Variants in GLYR1 observed in about 807,000 individuals in gnomAD.
The protein encoded by GLYR1 is cytokine-like nuclear factor N-PAC.
In GLYR1, 21 loss-of-function variants were observed where a neutral mutation model predicts 72.7. The observed-to-expected ratio is 0.29, with a 90% CI of 0.20 to 0.42. The LOEUF (loss-of-function observed/expected upper bound fraction) is 0.42. Ranked by LOEUF, GLYR1 falls within the 10% of genes least tolerant of loss-of-function variation. The pLI is 1.00. For synonymous variants in GLYR1, 392 were observed against 270.2 expected (o/e 1.45, Z -4.42); for missense variants, 594 against 712.1 (o/e 0.83, Z 1.89).
In GLYR1 at chr16:4,821,681, A is replaced by G. The variant is rs988246753; in HGVS notation, c.682-84T>C. 2.2e-5 allele frequency: 29 copies of G among 1,292,636 alleles called. No homozygotes were observed. The Admixed American group carries it at 3.2e-4, about 14-fold the overall frequency. The allele number at this position is 1,292,636 out of a possible 1,614,324, so 80.1% of individuals were successfully genotyped here. A position where few individuals can be genotyped will look rare whatever the true frequency, so the allele number is the denominator to read the frequency against. On this transcript the variant is annotated intron_variant, in intron 7 of 15. Coordinates refer to ENST00000321919, the MANE Select transcript of GLYR1 (RefSeq NM_032569.4). ...AATAATCCCCTCAAAGGTTAGACCC[A>G]AAGTGGGAAGTTAACATCAACTATT...
At chr16:4,841,457 C>CAA (rs1160441336) in intron 3 of GLYR1, among the ~76,000 whole-genome samples, 2,875 of 31,896 alleles carry the variant, frequency 0.09, 603 homozygotes, top group South Asian at 0.1. Flanking sequence ...CTTGTCTCTA[C>CAA]AAAAAAAAAA....
In GLYR1 at chr16:4,814,217, A is replaced by G. The variant is rs191485966; in HGVS notation, c.1017+320T>C. Reference sequence around the variant, plus strand: ...AAAATATACAAATACAGTGACAGCTAAACATAGAAGCTTGGCACCTGGACC... The same window carrying G: ...AAAATATACAAATACAGTGACAGCTGAACATAGAAGCTTGGCACCTGGACC... On this transcript the variant is annotated intron_variant, in intron 11 of 15. Transcript: ENST00000321919. Among the ~76,000 whole-genome samples the G allele has an allele frequency of 2.9e-4, 44 of 152,366 alleles. No individual in the cohort carries two copies. In the East Asian group the frequency reaches 8.3e-3, roughly 29 times the overall value.
chr16:4,814,677 T>C (rs192381130), intron 10 of GLYR1, 30 bp from the exon 11 acceptor site: 435 of 1,509,618 alleles, frequency 2.9e-4, no homozygotes, highest in Non-Finnish European at 3.0e-4. Context: ...TAACGTGAGC[T>C]GCAGGCAGTG....
In GLYR1 at chr16:4,832,770, T is replaced by C; in HGVS notation, c.294+4A>G. The C allele has an allele frequency of 6.2e-7, 1 of 1,604,264 alleles. No homozygotes were observed. The highest frequency in any genetic ancestry group is 8.5e-7 in the Non-Finnish European group (1 of 1,174,698). On this transcript the variant is annotated splice_donor_region_variant and intron_variant, in intron 4 of 15. Transcript: ENST00000321919. ...TGGTAGAAAGTGAACATTGTGTCTC[T>C]CACCTGGTCTTTCCCTTTGGCTCTC...
intron 9 of GLYR1, among the ~76,000 whole-genome samples, chr16:4,819,248 G>A (rs1005227): frequency 0.99 from 150,416 of 152,240 alleles, 74,338 homozygotes; most frequent in East Asian, 1. Flanking sequence ...TTTGGTATCA[G>A]GCAATCCTCT....
intron 15 of GLYR1, among the ~76,000 whole-genome samples, chr16:4,809,067 C>G (rs1383829420): frequency 6.6e-6 from 1 of 151,980 alleles, no homozygotes; most frequent in African/African-American, 2.4e-5. Flanking sequence ...GGATAAAAAT[C>G]CAAACCCCAA....
chr16:4,827,270 T>C (rs965316609), intron 5 of GLYR1, among the ~76,000 whole-genome samples: 1 of 152,248 alleles, frequency 6.6e-6, no homozygotes, highest in South Asian at 2.1e-4. Context: ...TGACAATTAC[T>C]ATAGCAACAC....
rs74726327 is a variant in GLYR1, at chr16:4,827,890, A to G, written c.538-3983T>C. On this transcript the variant is annotated intron_variant, in intron 5 of 15. Coordinates refer to ENST00000321919, the MANE Select transcript of GLYR1 (RefSeq NM_032569.4). Reference sequence around the variant, plus strand: ...ACCGCAGCCTGGGCGACAGCACGAGACTCCGTCTCAAAAAAAACAAACCAA... The same window carrying G: ...ACCGCAGCCTGGGCGACAGCACGAGGCTCCGTCTCAAAAAAAACAAACCAA... Among the ~76,000 whole-genome samples the G allele has an allele frequency of 5.7e-3, 861 of 151,890 alleles. 6 individuals are homozygous for G. Among genetic ancestry groups the G allele is most frequent in the African/African-American group, 0.019 (779 of 41,422 alleles).
chr16:4,846,150 T>C (rs377060335), intron 2 of GLYR1, 24 bp downstream of exon 2: 38 of 1,612,914 alleles, frequency 2.4e-5, no homozygotes, highest in Non-Finnish European at 3.1e-5. Context: ...TTCAGATCTC[T>C]TCCTTTAGTA....
At chr16:4,823,664 G>T (rs62036110) in intron 6 of GLYR1, among the ~76,000 whole-genome samples, 157 bp downstream of exon 6, 3 of 149,950 alleles carry the variant, frequency 2.0e-5, no homozygotes, top group Non-Finnish European at 4.4e-5. Flanking sequence ...ACCCTAGAGG[G>T]AAATTTTTAA....
intron 3 of GLYR1, among the ~76,000 whole-genome samples, chr16:4,841,385 C>G (rs2085534493): frequency 7.3e-6 from 1 of 136,538 alleles, no homozygotes. Flanking sequence ...CTTCGGGAGG[C>G]CGAGGTGGGA....
chr16:4,806,963 C>T (rs1449103384), intron 15 of GLYR1, among the ~76,000 whole-genome samples: 48 of 151,484 alleles, frequency 3.2e-4, no homozygotes, highest in African/African-American at 9.7e-4. Context: ...CCCGCCACCA[C>T]GCCTGGCTAA....
At chr16:4,817,123 C>G (rs1966897) in intron 10 of GLYR1, among the ~76,000 whole-genome samples, 62,994 of 149,636 alleles carry the variant, frequency 0.42, 13,429 homozygotes, top group Admixed American at 0.5. Context: ...TTTGTATTTT[C>G]TATTTTTTTT....
chr16:4,820,004 C>G (rs919266490), intron 9 of GLYR1, among the ~76,000 whole-genome samples: 2 of 152,136 alleles, frequency 1.3e-5, no homozygotes, highest in Admixed American at 1.3e-4. Context: ...GATAAAGCTT[C>G]TGGATTTTTT....
intron 15 of GLYR1, among the ~76,000 whole-genome samples, chr16:4,807,445 G>C (rs573257506): frequency 1.3e-5 from 2 of 152,212 alleles, no homozygotes; most frequent in East Asian, 1.9e-4. Flanking sequence ...AGTAAGAAAG[G>C]AGGAACAAAC....
In GLYR1 at chr16:4,816,803, T is replaced by C. The variant is rs1207520259; in HGVS notation, c.906+795A>G. Among the ~76,000 whole-genome samples the C allele has an allele frequency of 2.0e-5, 3 of 152,172 alleles. 1 individual carries two copies. In the South Asian group the frequency reaches 6.2e-4, roughly 32 times the overall value. ...AAGTTCGAGACCAGCCTGGCTAACA[T>C]GGTGAAACCCCTTCTCTACTAAAAA... On this transcript the variant is annotated intron_variant, in intron 10 of 15. Transcript: ENST00000321919.
chr16:4,842,543 T>A (rs1433126383), intron 3 of GLYR1, among the ~76,000 whole-genome samples: 2 of 152,114 alleles, frequency 1.3e-5, no homozygotes, highest in African/African-American at 2.4e-5. Flanking sequence ...TTTTTTTAAG[T>A]AGAGACAAGG....
chr16:4,805,119 TA>T lies in GLYR1; in HGVS notation c.*116del. ...CTGATGGCAAGTCTCAAAGTCTGTA[TA>T]AAAGGAAATGGAGATAGGTGGGCTG... On this transcript the variant is annotated 3_prime_UTR_variant, in exon 16 of 16. Transcript: ENST00000321919. 3 of 829,982 alleles carry T rather than the reference TA, an allele frequency of 3.6e-6. No individual in the cohort carries two copies. The highest frequency in any genetic ancestry group is 2.0e-6 in the Non-Finnish European group (1 of 488,650). 51.4% of individuals were successfully genotyped at this position (829,982 alleles called of 1,614,324 possible).
At chr16:4,832,655 T>A in intron 4 of GLYR1, 119 bp downstream of exon 4, 1 of 1,188,296 alleles carries the variant, frequency 8.4e-7, no homozygotes, top group South Asian at 1.7e-5. Flanking sequence ...CTGAAGTAGC[T>A]TTCTCCAGTA....
Sources: allele counts gnomAD v4.1 joint callset (sites outside exome capture counted in the v4.1 genomes callset), GRCh38; gene constraint gnomAD v4.1.1; transcripts MANE v1.5; gene names NCBI Gene and HGNC (gene_info 2026-07-23, HGNC 2026-07-21).